WWC1: variants seen among roughly 807,000 people sequenced by gnomAD.
The protein encoded by WWC1 is protein KIBRA.
Under a neutral mutation model 138.4 loss-of-function variants are expected in WWC1, and 55 were observed. The ratio of observed to expected loss-of-function variants is 0.40; its 90% confidence interval spans 0.32 to 0.50. WWC1 has a LOEUF of 0.50. Among genes scored for constraint, WWC1 ranks in the 20% least tolerant of loss-of-function variants. WWC1 has a pLI of 0.72. For missense variants in WWC1, 1,226 were observed against 1,420.4 expected (o/e 0.86, Z 2.20); for synonymous variants, 524 against 564.9 (o/e 0.93, Z 1.03).
At position 168,423,636 on chromosome 5, in the gene WWC1, G is replaced by A. The variant is rs767455031; in HGVS notation, c.1378G>A (p.Ala460Thr). The A allele has an allele frequency of 5.0e-6, 8 of 1,614,032 alleles. No individual in the cohort carries two copies. In the South Asian group the frequency reaches 8.8e-5, roughly 18 times the overall value. The change falls in exon 11 of 23, where the codon GCC becomes ACC. Residue 460 changes from alanine (A) to threonine (T), a missense_variant. By Grantham distance (58) the Ala-to-Thr change is moderately conservative. This residue lies in a region of WWC1 where 1,016 missense variants were observed against 1,153.9 expected (regional missense o/e 0.88). Coordinates refer to ENST00000265293, the MANE Select transcript of WWC1 (RefSeq NM_015238.3). The part of the protein sequence containing the change: ...VASSLDSSTS[A>T]SFTDLYYDPF... ...ATCCAGCCTGGACTCCTCCACTTCA[G>A]CCAGCTTCACTGACCTCTACTATGA...
chr5:168,462,891 G>T (rs1379975287), intron 20 of WWC1, among the ~76,000 whole-genome samples: 1 of 152,176 alleles, frequency 6.6e-6, no homozygotes, highest in Non-Finnish European at 1.5e-5. Context: ...CTGAGAACTT[G>T]AGCCACGTAG....
chr5:168,304,882 A>G (rs1240762605), intron 1 of WWC1, among the ~76,000 whole-genome samples: 3 of 151,460 alleles, frequency 2.0e-5, no homozygotes, highest in South Asian at 4.2e-4. Context: ...TTGGAGTGCA[A>G]TGGTGCGACT....
intron 1 of WWC1, among the ~76,000 whole-genome samples, chr5:168,306,784 A>G (rs1862352): frequency 0.16 from 24,713 of 151,934 alleles, 2,176 homozygotes; most frequent in Admixed American, 0.24. Flanking sequence ...TTTAGTAGAG[A>G]TGGGGTTTCG....
At chr5:168,464,672 G>T in intron 20 of WWC1, 57 bp from the exon 21 acceptor site, 1 of 1,604,976 alleles carries the variant, frequency 6.2e-7, no homozygotes, top group South Asian at 1.1e-5. Flanking sequence ...GGAAGAGGCT[G>T]GGTGGGCTCA....
At chr5:168,300,245 C>T (rs2152740072) in intron 1 of WWC1, among the ~76,000 whole-genome samples, 1 of 152,226 alleles carries the variant, frequency 6.6e-6, no homozygotes, top group East Asian at 1.9e-4. Context: ...TTAGACCTTC[C>T]CCAGCAGGCC....
intron 20 of WWC1, among the ~76,000 whole-genome samples, chr5:168,462,937 A>G (rs1756945606): frequency 6.6e-6 from 1 of 152,232 alleles, no homozygotes. Flanking sequence ...CTGCTCATTT[A>G]TAAGTGCAGA....
At chr5:168,448,615 G>GTTT (rs1755500909) in intron 17 of WWC1, among the ~76,000 whole-genome samples, 3 of 116,920 alleles carry the variant, frequency 2.6e-5, no homozygotes, top group East Asian at 2.5e-4. Flanking sequence ...TCTCAAATAA[G>GTTT]ATTTTTTTTT....
At position 168,408,527 on chromosome 5, in the gene WWC1, C is replaced by A. The variant is rs375518334; in HGVS notation, c.741C>A (p.Asp247Glu). The change falls in exon 7 of 23, where the codon GAC becomes GAA. Residue 247 changes from aspartate to glutamate, a missense_variant. Coordinates refer to ENST00000265293, the MANE Select transcript of WWC1 (RefSeq NM_015238.3). ...DLIKSLAMLKDGFRTDRGSHS... is the reference protein window; with the variant it reads ...DLIKSLAMLKEGFRTDRGSHS... ...TTCAGAGCCTTGCCATGTTGAAGGA[C>A]GGCTTCCGCACTGACAGGGGGTCTC... The A allele has an allele frequency of 6.2e-7, 1 of 1,614,062 alleles. No individual in the cohort carries two copies. The highest frequency in any genetic ancestry group is 8.5e-7 in the Non-Finnish European group (1 of 1,179,958).
chr5:168,464,861 G>A lies in WWC1; in HGVS notation c.3049G>A (p.Glu1017Lys). The A allele has an allele frequency of 6.2e-7, 1 of 1,614,118 alleles. No homozygotes were observed. Among genetic ancestry groups the A allele is most frequent in the Non-Finnish European group, 8.5e-7 (1 of 1,180,018 alleles). Reference sequence around the variant, plus strand: ...GATCTCGGTGCTGAAGGAGCTCAAGGAGCAGCTGGAACAAGCCAAGAGCCA... The same window carrying A: ...GATCTCGGTGCTGAAGGAGCTCAAGAAGCAGCTGGAACAAGCCAAGAGCCA... ...QEISVLKELK[E>K]QLEQAKSHGE... The change falls in exon 21 of 23, where the codon GAG (glutamate) becomes AAG (lysine). Residue 1017 changes from glutamate (E) to lysine (K), a missense_variant. Coordinates refer to ENST00000265293, the MANE Select transcript of WWC1 (RefSeq NM_015238.3).
intron 18 of WWC1, among the ~76,000 whole-genome samples, chr5:168,454,774 G>A (rs1039254987): frequency 6.6e-6 from 1 of 152,210 alleles, no homozygotes; most frequent in Non-Finnish European, 1.5e-5. Flanking sequence ...CCAGCCAGTG[G>A]GCGTGCCCTT....
intron 2 of WWC1, among the ~76,000 whole-genome samples, chr5:168,384,867 G>T (rs1475498022): frequency 6.6e-6 from 1 of 152,014 alleles, no homozygotes. Flanking sequence ...ACAGGTGCCT[G>T]CCACCATACT....
In WWC1 at chr5:168,469,904, G is replaced by A. The variant is rs1475026200; in HGVS notation, c.*887G>A. ...TTTCTTTTGCCCACTGTTTTCATTTGCTCATTAAATTAAAATGACTGCTCG... is the reference window on the plus strand; with the variant it reads ...TTTCTTTTGCCCACTGTTTTCATTTACTCATTAAATTAAAATGACTGCTCG... On this transcript the variant is annotated 3_prime_UTR_variant, in exon 23 of 23. Transcript: ENST00000265293. 1 of 151,778 alleles carries A rather than the reference G, an allele frequency of 6.6e-6. No individual in the cohort carries two copies. Among genetic ancestry groups the A allele is most frequent in the Non-Finnish European group, 1.5e-5 (1 of 67,986 alleles). 9.4% of individuals were successfully genotyped at this position (151,778 alleles called of 1,614,324 possible).
At chr5:168,341,902 C>T (rs1774066065) in intron 1 of WWC1, among the ~76,000 whole-genome samples, 1 of 152,040 alleles carries the variant, frequency 6.6e-6, no homozygotes, top group Non-Finnish European at 1.5e-5. Flanking sequence ...CCAGGTGGGC[C>T]GAGAGCATTG....
Position 168,292,605 on chromosome 5 carries a change from G to A in WWC1, c.119+334G>A, listed in dbSNP as rs1292913193. 2.0e-5 allele frequency among the ~76,000 whole-genome samples: 3 copies of A among 152,114 alleles called. No homozygotes were observed. Among genetic ancestry groups the A allele is most frequent in the Non-Finnish European group, 2.9e-5 (2 of 68,020 alleles). ...CTTTAGGAAGAGAGGTCGGGCGGGG[G>A]CGGGGGTTGGGGGAGCGACCTAGCC... On this transcript the variant is annotated intron_variant, in intron 1 of 22. Transcript: ENST00000265293. The surrounding 1 kb of genome is among the most constrained non-coding windows in gnomAD (Gnocchi z 4.4).
At chr5:168,346,672 A>C (rs1275596519) in intron 1 of WWC1, among the ~76,000 whole-genome samples, 3 of 152,248 alleles carry the variant, frequency 2.0e-5, no homozygotes. Context: ...ATGACTAGTT[A>C]GAATTAGTTA....
rs1489911225 is a variant in WWC1 at position 168,369,810 on chromosome 5, GGA to G, written c.120-1612_120-1611del. ...ATGTATTTTTCTGTAAGTTGGATTT[GGA>G]GTGAGTTTTAGAGGGCAGGAGAGTG... On this transcript the variant is annotated intron_variant, in intron 1 of 22. Transcript: ENST00000265293. Among the ~76,000 whole-genome samples, 3 of 151,786 alleles carry G rather than the reference GGA, an allele frequency of 2.0e-5. No individual in the cohort carries two copies. The East Asian group carries it at 5.8e-4, about 29-fold the overall frequency.
intron 1 of WWC1, among the ~76,000 whole-genome samples, chr5:168,367,141 T>C (rs1776358584): frequency 6.6e-6 from 1 of 151,948 alleles, no homozygotes; most frequent in African/African-American, 2.4e-5. Context: ...AGCCATGGAT[T>C]TCCCAGGTCT....
intron 17 of WWC1, among the ~76,000 whole-genome samples, chr5:168,447,772 C>A (rs948986233): frequency 1.3e-5 from 2 of 150,768 alleles, no homozygotes; most frequent in East Asian, 3.9e-4. Flanking sequence ...TCTCTCTCCC[C>A]CTCCTTTTCT....
chr5:168,439,214 T>C (rs975375744), intron 15 of WWC1, among the ~76,000 whole-genome samples: 1 of 152,196 alleles, frequency 6.6e-6, no homozygotes, highest in Non-Finnish European at 1.5e-5. Flanking sequence ...CCTGGCCATC[T>C]CTCTGCATCA....
Sources: allele counts gnomAD v4.1 joint callset (sites outside exome capture counted in the v4.1 genomes callset), GRCh38; gene constraint gnomAD v4.1.1; regional missense constraint gnomAD v4.1.1; non-coding constraint Gnocchi (gnomAD v3.1); transcripts MANE v1.5; gene names NCBI Gene and HGNC (gene_info 2026-07-23, HGNC 2026-07-21).